Variants in CMSS1 observed in about 807,000 individuals in gnomAD.
CMSS1 encodes the protein protein CMSS1.
In CMSS1, 33 loss-of-function variants were observed where a neutral mutation model predicts 43.5. That is an observed-to-expected ratio of 0.76 (90% CI 0.57 to 1.01). CMSS1 has a LOEUF of 1.01. Ranked by LOEUF, CMSS1 falls within the 50% of genes least tolerant of loss-of-function variation. The pLI is 0.00. For synonymous variants in CMSS1, 115 were observed against 117.2 expected, an observed-to-expected ratio of 0.98 and a Z score of 0.12; for missense variants, 313 against 326.4, an observed-to-expected ratio of 0.96 and a Z score of 0.32.
Position 100,053,119 on chromosome 3 carries a change from T to C in CMSS1, c.65-93854T>C, listed in dbSNP as rs1015325026. 2.0e-5 allele frequency among the ~76,000 whole-genome samples: 3 copies of C among 152,158 alleles called. No individual in the cohort carries two copies. In the East Asian group the frequency reaches 5.8e-4, roughly 29 times the overall value. On this transcript the variant is annotated intron_variant, in intron 1 of 9. Transcript: ENST00000421999. The stretch of plus-strand genomic sequence containing the variant: ...GTGCCTTTATCTCTTAAACCCTATA[T>C]ATTGCTCCAATTTGGGGCATAGTTG...
intron 1 of CMSS1, among the ~76,000 whole-genome samples, chr3:99,946,207 C>T (rs535506163): frequency 6.6e-6 from 1 of 152,330 alleles, no homozygotes; most frequent in South Asian, 2.1e-4. Flanking sequence ...ATGTCTATTA[C>T]ATCTTCAGAA....
intron 1 of CMSS1, among the ~76,000 whole-genome samples, chr3:100,121,463 G>A (rs1046289243): frequency 4.6e-5 from 7 of 152,098 alleles, no homozygotes; most frequent in African/African-American, 1.7e-4. Flanking sequence ...GTGTATATTT[G>A]CCACATTTTC....
At chr3:100,168,833 TGA>T (rs1310836059) in intron 6 of CMSS1, among the ~76,000 whole-genome samples, 1 of 149,960 alleles carries the variant, frequency 6.7e-6, no homozygotes, top group East Asian at 1.9e-4. Context: ...AGAATACTAA[TGA>T]GAGGATTATA....
At chr3:100,109,299 G>C (rs1003587903) in intron 1 of CMSS1, among the ~76,000 whole-genome samples, 1 of 151,908 alleles carries the variant, frequency 6.6e-6, no homozygotes, top group South Asian at 2.1e-4. Context: ...GTTTGAAGTG[G>C]GATTCTCTCA....
chr3:100,021,200 T>C (rs903340589), intron 1 of CMSS1, among the ~76,000 whole-genome samples: 2 of 152,212 alleles, frequency 1.3e-5, no homozygotes, highest in African/African-American at 4.8e-5. Context: ...GTCACTGCTT[T>C]TCCAGGCATG....
In CMSS1 at chr3:100,090,153, T is replaced by C. The variant is rs139240193; in HGVS notation, c.65-56820T>C. The stretch of plus-strand genomic sequence containing the variant: ...GCTTGTTCCAAGGGCAGTCCCTCCC[T>C]AAACTATGAAGCACTCTATGAATGC... On this transcript the variant is annotated intron_variant, in intron 1 of 9. Coordinates refer to ENST00000421999, the MANE Select transcript of CMSS1 (RefSeq NM_032359.4). 4.6e-3 allele frequency among the ~76,000 whole-genome samples: 706 copies of C among 152,298 alleles called. 2 individuals are homozygous for C. The highest frequency in any genetic ancestry group is 7.0e-3 in the South Asian group (34 of 4,824).
chr3:99,855,463 G>A (rs1176616308), intron 1 of CMSS1, among the ~76,000 whole-genome samples: 2 of 152,184 alleles, frequency 1.3e-5, no homozygotes, highest in African/African-American at 2.4e-5. Context: ...ACATCTGTCG[G>A]TTCTAATTCT....
At chr3:100,165,843 A>G (rs945867211) in intron 4 of CMSS1, among the ~76,000 whole-genome samples, 2 of 152,200 alleles carry the variant, frequency 1.3e-5, no homozygotes, top group Non-Finnish European at 2.9e-5. Flanking sequence ...ATACCAGTTT[A>G]TACTTCCACT....
chr3:100,141,467 G>A, intron 1 of CMSS1: 1 of 439,442 alleles, frequency 2.3e-6, no homozygotes, highest in Non-Finnish European at 4.5e-6. Context: ...GGTGAAGACG[G>A]CGGTCTTAAC....
At chr3:99,959,262 G>T (rs976018218) in intron 1 of CMSS1, among the ~76,000 whole-genome samples, 1 of 152,140 alleles carries the variant, frequency 6.6e-6, no homozygotes, top group Non-Finnish European at 1.5e-5. Context: ...TGATTCTCAT[G>T]CCTCAGCCTC....
intron 1 of CMSS1, among the ~76,000 whole-genome samples, chr3:99,922,300 T>A (rs1239488869): frequency 6.6e-6 from 1 of 152,240 alleles, no homozygotes; most frequent in Non-Finnish European, 1.5e-5. Context: ...TAACATTGTC[T>A]CATTGAATAA....
chr3:100,173,437 A>C (rs2067126154), intron 8 of CMSS1, among the ~76,000 whole-genome samples: 1 of 152,124 alleles, frequency 6.6e-6, no homozygotes, highest in Non-Finnish European at 1.5e-5. Context: ...CACCCTCCCC[A>C]AGGTCTGTCA....
chr3:99,845,697 T>C (rs893272086), intron 1 of CMSS1, among the ~76,000 whole-genome samples: 1 of 152,208 alleles, frequency 6.6e-6, no homozygotes, highest in Non-Finnish European at 1.5e-5. Context: ...CATTGTGTCA[T>C]TTTAGGTGTA....
At chr3:99,864,754 G>A (rs887539217) in intron 1 of CMSS1, among the ~76,000 whole-genome samples, 33 of 151,926 alleles carry the variant, frequency 2.2e-4, no homozygotes, top group African/African-American at 5.3e-4. Context: ...AACAGAACAC[G>A]GCATGGTGTG....
intron 1 of CMSS1, among the ~76,000 whole-genome samples, chr3:100,037,451 G>GACACAC (rs66489523): frequency 2.6e-5 from 4 of 151,308 alleles, no homozygotes; most frequent in East Asian, 3.9e-4. Context: ...AAAGCAAACA[G>GACACAC]ACACACACAC....
At chr3:99,938,898 T>G (rs1329735432) in intron 1 of CMSS1, among the ~76,000 whole-genome samples, 1 of 152,208 alleles carries the variant, frequency 6.6e-6, no homozygotes, top group African/African-American at 2.4e-5. Context: ...CTCAGCCAGC[T>G]GCAGTAAAGC....
chr3:100,036,564 A>G (rs547362249), intron 1 of CMSS1, among the ~76,000 whole-genome samples: 7 of 152,376 alleles, frequency 4.6e-5, no homozygotes, highest in Middle Eastern at 3.4e-3. Context: ...TATTCTTTAC[A>G]GTAGAATGCC....
chr3:100,157,439 T>C (rs934519085), intron 2 of CMSS1, among the ~76,000 whole-genome samples: 4 of 152,232 alleles, frequency 2.6e-5, no homozygotes, highest in African/African-American at 9.6e-5. Context: ...GAACCTTAGC[T>C]ATCCATTCTT....
chr3:99,907,256 T>C (rs1432271057), intron 1 of CMSS1, among the ~76,000 whole-genome samples: 1 of 152,126 alleles, frequency 6.6e-6, no homozygotes, highest in Non-Finnish European at 1.5e-5. Context: ...TTTTCTTTTT[T>C]ATTTTTTTTG....
Sources: allele counts gnomAD v4.1 joint callset (sites outside exome capture counted in the v4.1 genomes callset), GRCh38; gene constraint gnomAD v4.1.1; transcripts MANE v1.5; gene names NCBI Gene and HGNC (gene_info 2026-07-23, HGNC 2026-07-21).